The following PRMT8 variants were observed in gnomAD, a reference collection of about 807,000 sequenced individuals.
PRMT8 encodes the protein protein arginine methyltransferase 8, also known as protein arginine N-methyltransferase 8.
PRMT8 carries 7 observed loss-of-function variants against 47.1 expected under a neutral mutation model. The ratio of observed to expected loss-of-function variants is 0.15; its 90% CI spans 0.08 to 0.28. PRMT8 has a LOEUF of 0.28. Among genes scored for constraint, PRMT8 ranks in the 10% least tolerant of loss-of-function variants. The pLI, the probability that PRMT8 is intolerant of heterozygous loss-of-function variation, is 1.00. For missense variants in PRMT8, 237 were observed against 505.4 expected (o/e 0.47, Z 5.09); for synonymous variants, 188 against 186.5 (o/e 1.01, Z -0.07).
At chr12:3,577,011 C>T (rs369400640) in intron 7 of PRMT8, 25 bp downstream of exon 7, 112 of 1,596,372 alleles carry the variant, frequency 7.0e-5, no homozygotes, top group Non-Finnish European at 9.2e-5. Flanking sequence ...CCGGGGTGGA[C>T]CTGGGTGTGC....
chr12:3,506,803 T>A (rs1402338444), intron 1 of PRMT8, among the ~76,000 whole-genome samples: 1 of 152,104 alleles, frequency 6.6e-6, no homozygotes, highest in Non-Finnish European at 1.5e-5. Flanking sequence ...AATTCCTACA[T>A]GTTGATTACT....
intron 6 of PRMT8, chr12:3,574,012 C>G (rs1358784914): frequency 6.6e-6 from 1 of 152,178 alleles, no homozygotes; most frequent in Non-Finnish European, 1.5e-5. Flanking sequence ...CTTGGGTGAT[C>G]TGTGCTCTGA....
At position 3,535,028 on chromosome 12, in the gene PRMT8, G is replaced by C. The variant is rs887443465; in HGVS notation, c.76-5578G>C. On this transcript the variant is annotated intron_variant, in intron 1 of 9. Coordinates refer to ENST00000382622, the MANE Select transcript of PRMT8 (RefSeq NM_019854.5). The surrounding 1 kb of genome is among the most constrained non-coding windows in gnomAD (Gnocchi z 4.7). Reference sequence around the variant, plus strand: ...GCGCCTGGGGCGCAGTGGGCCCTTAGTCAATGTTAGGTCTCATCACCATCA... The same window carrying C: ...GCGCCTGGGGCGCAGTGGGCCCTTACTCAATGTTAGGTCTCATCACCATCA... Among the ~76,000 whole-genome samples, 6 of 152,248 alleles carry C rather than the reference G, an allele frequency of 3.9e-5. No homozygotes were observed. The highest frequency in any genetic ancestry group is 7.3e-5 in the Non-Finnish European group (5 of 68,030).
intron 1 of PRMT8, among the ~76,000 whole-genome samples, chr12:3,447,864 T>C (rs1270767627): frequency 6.6e-6 from 1 of 152,188 alleles, no homozygotes; most frequent in Admixed American, 6.5e-5. Flanking sequence ...AAACTACATG[T>C]ACTTGGGCAC....
chr12:3,474,715 C>G (rs1474468629), intron 1 of PRMT8, among the ~76,000 whole-genome samples: 3 of 152,170 alleles, frequency 2.0e-5, no homozygotes, highest in Admixed American at 6.5e-5. Context: ...GGTTCCAAAG[C>G]AGTCTGCTTG....
intron 1 of PRMT8, among the ~76,000 whole-genome samples, chr12:3,495,008 A>G (rs1865484942): frequency 6.6e-6 from 1 of 152,174 alleles, no homozygotes; most frequent in Non-Finnish European, 1.5e-5. Flanking sequence ...GGGAATCACC[A>G]TTCTGCCAGC....
chr12:3,575,233 C>T (rs954320082), intron 6 of PRMT8, among the ~76,000 whole-genome samples: 3 of 152,332 alleles, frequency 2.0e-5, no homozygotes, highest in Admixed American at 1.3e-4. Context: ...GAAAAGCTGT[C>T]GCTGACCGTT....
intron 1 of PRMT8, among the ~76,000 whole-genome samples, chr12:3,412,191 C>T (rs1371099611): frequency 6.6e-6 from 1 of 152,222 alleles, no homozygotes; most frequent in Non-Finnish European, 1.5e-5. Flanking sequence ...ATACTGTGGG[C>T]AATTGTAACA....
At chr12:3,497,954 T>A (rs1405259664) in intron 1 of PRMT8, among the ~76,000 whole-genome samples, 2 of 152,222 alleles carry the variant, frequency 1.3e-5, no homozygotes, top group Non-Finnish European at 1.5e-5. Flanking sequence ...GACTCCTGGG[T>A]CTGTGCTCTT....
intron 1 of PRMT8, among the ~76,000 whole-genome samples, chr12:3,458,273 G>C (rs1864997887): frequency 2.0e-5 from 3 of 152,200 alleles, no homozygotes; most frequent in African/African-American, 7.2e-5. Flanking sequence ...TTCTCCAACT[G>C]CTTTCATGAG....
At chr12:3,451,692 C>A (rs1401698284) in intron 1 of PRMT8, among the ~76,000 whole-genome samples, 1 of 152,182 alleles carries the variant, frequency 6.6e-6, no homozygotes, top group Non-Finnish European at 1.5e-5. Flanking sequence ...TGCATTTTCC[C>A]ACCCGCTTAG....
chr12:3,438,043 C>T (rs547221351), intron 1 of PRMT8, among the ~76,000 whole-genome samples: 20 of 152,256 alleles, frequency 1.3e-4, no homozygotes, highest in Admixed American at 5.9e-4. Flanking sequence ...TCCAGCTTGC[C>T]CTGAGTCTAC....
intron 7 of PRMT8, among the ~76,000 whole-genome samples, chr12:3,577,292 A>G (rs1866963864): frequency 1.3e-5 from 2 of 152,200 alleles, no homozygotes; most frequent in Non-Finnish European, 2.9e-5. Flanking sequence ...CTGGAAGAGG[A>G]GAGCGTGCTC....
intron 4 of PRMT8, among the ~76,000 whole-genome samples, chr12:3,554,572 G>C (rs1866491319): frequency 6.6e-6 from 1 of 152,218 alleles, no homozygotes; most frequent in Non-Finnish European, 1.5e-5. Flanking sequence ...TGCAGCAGAG[G>C]GCTGCAAAGG....
chr12:3,467,638 A>C (rs559611632), intron 1 of PRMT8, among the ~76,000 whole-genome samples: 1 of 152,232 alleles, frequency 6.6e-6, no homozygotes, highest in Non-Finnish European at 1.5e-5. Flanking sequence ...CAGAATTCCC[A>C]GGCCCCTGTC....
chr12:3,468,293 C>T (rs1259846696), intron 1 of PRMT8, among the ~76,000 whole-genome samples: 1 of 152,204 alleles, frequency 6.6e-6, no homozygotes, highest in African/African-American at 2.4e-5. Context: ...GAAGATGTGG[C>T]TGGGAAAGAG....
At chr12:3,407,107 G>C (rs1864380036) in intron 1 of PRMT8, among the ~76,000 whole-genome samples, 1 of 152,132 alleles carries the variant, frequency 6.6e-6, no homozygotes, top group African/African-American at 2.4e-5. Flanking sequence ...TCTTAATATG[G>C]TGGCAGGAAG....
intron 1 of PRMT8, among the ~76,000 whole-genome samples, chr12:3,457,610 A>G (rs1864988731): frequency 6.6e-6 from 1 of 151,956 alleles, no homozygotes; most frequent in Admixed American, 6.5e-5. Context: ...TGGCTGACCT[A>G]TGCACATCTT....
At chr12:3,400,013 A>G (rs540972855) in intron 1 of PRMT8, among the ~76,000 whole-genome samples, 1 of 152,090 alleles carries the variant, frequency 6.6e-6, no homozygotes, top group South Asian at 2.1e-4. Context: ...TAAGAATCCA[A>G]CATCTAGGAG....
Sources: gnomAD v4.1 joint callset for allele counts (sites outside exome capture counted in the v4.1 genomes callset) on GRCh38, gnomAD v4.1.1 for gene constraint, Gnocchi (gnomAD v3.1) non-coding constraint, MANE v1.5 for transcripts, NCBI Gene and HGNC (gene_info 2026-07-23, HGNC 2026-07-21) for gene names.